GPHN: variants seen among roughly 807,000 people sequenced by gnomAD.
The protein encoded by GPHN is gephyrin.
GPHN carries 17 observed loss-of-function variants against 95.5 expected under a neutral mutation model. That is an observed-to-expected ratio of 0.18 (90% CI 0.12 to 0.27). The LOEUF is 0.27. Ranked by LOEUF, GPHN falls within the 10% of genes least tolerant of loss-of-function variation. The pLI, the probability that GPHN is intolerant of heterozygous loss-of-function variation, is 1.00. For synonymous variants in GPHN, 320 were observed against 322.5 expected (o/e 0.99, Z 0.08); for missense variants, 660 against 978.1 (o/e 0.67, Z 4.34).
chr14:66,937,119 C>T (rs1166813414), intron 8 of GPHN, among the ~76,000 whole-genome samples: 1 of 152,060 alleles, frequency 6.6e-6, no homozygotes, highest in African/African-American at 2.4e-5. Context: ...TATCCTGCTT[C>T]AGCTGCCCAA....
At chr14:67,596,043 T>G in the GPHN span, among the ~76,000 whole-genome samples, 2 of 152,252 alleles carry the variant, frequency 1.3e-5, no homozygotes, top group Non-Finnish European at 2.9e-5. Flanking sequence ...ATGTATAATC[T>G]TTAACATTTC....
At chr14:66,554,407 AAG>A (rs2059932593) in intron 1 of GPHN, among the ~76,000 whole-genome samples, 1 of 152,198 alleles carries the variant, frequency 6.6e-6, no homozygotes, top group South Asian at 2.1e-4. Flanking sequence ...TTATAAAGGA[AAG>A]AGATTTAATT....
the GPHN span, chr14:67,729,095 T>C: frequency 8.0e-7 from 1 of 1,251,548 alleles, no homozygotes; most frequent in African/African-American, 1.5e-5. Flanking sequence ...GTTTCCTGAG[T>C]CCCTCCTTCT....
chr14:66,553,654 G>T (rs912568423), intron 1 of GPHN, among the ~76,000 whole-genome samples: 3 of 152,006 alleles, frequency 2.0e-5, no homozygotes, highest in African/African-American at 7.2e-5. Context: ...TCTGTTCACT[G>T]CAACTTCTGC....
intron 19 of GPHN, among the ~76,000 whole-genome samples, chr14:67,160,556 T>C (rs558117481): frequency 6.6e-6 from 1 of 152,308 alleles, no homozygotes; most frequent in African/African-American, 2.4e-5. Context: ...GCCATATCTT[T>C]AAGAAATAGT....
intron 11 of GPHN, among the ~76,000 whole-genome samples, chr14:67,070,325 A>C (rs2076234250): frequency 6.8e-6 from 1 of 146,094 alleles, no homozygotes; most frequent in South Asian, 2.1e-4. Context: ...CATTTTAAAT[A>C]TTTTTATATA....
intron 3 of GPHN, among the ~76,000 whole-genome samples, chr14:66,787,083 G>T (rs957088507): frequency 6.6e-6 from 1 of 152,010 alleles, no homozygotes; most frequent in Non-Finnish European, 1.5e-5. Context: ...AACTCTCCCT[G>T]TTTGCAGACC....
Position 66,635,613 on chromosome 14 carries a change from A to G in GPHN, c.65-45494A>G, listed in dbSNP as rs142909059. Reference sequence around the variant, plus strand: ...TCTCTAGACAGAAGACAGACTCAGTAAGGAAATGTTTTAAGTGGGTGTAAT... The same window carrying G: ...TCTCTAGACAGAAGACAGACTCAGTGAGGAAATGTTTTAAGTGGGTGTAAT... On this transcript the variant is annotated intron_variant, in intron 1 of 22. Coordinates refer to ENST00000478722, the MANE Select transcript of GPHN (RefSeq NM_020806.5). 2.5e-4 allele frequency among the ~76,000 whole-genome samples: 38 copies of G among 152,304 alleles called. 1 individual carries two copies. Among genetic ancestry groups the G allele is most frequent in the Admixed American group, 1.9e-3 (29 of 15,304 alleles).
the GPHN span, chr14:67,254,451 C>T: frequency 6.6e-6 from 1 of 152,240 alleles, no homozygotes; most frequent in African/African-American, 2.4e-5. Context: ...AAAATCAGAG[C>T]ATTACTCATA....
At chr14:66,947,638 T>A (rs984859873) in intron 8 of GPHN, among the ~76,000 whole-genome samples, 1 of 152,194 alleles carries the variant, frequency 6.6e-6, no homozygotes, top group Non-Finnish European at 1.5e-5. Context: ...AAAAGGGATA[T>A]ATTTCGCCAT....
chr14:67,390,741 G>A, the GPHN span: 2 of 1,610,230 alleles, frequency 1.2e-6, no homozygotes, highest in Non-Finnish European at 1.7e-6. Context: ...TTTTCCTCTT[G>A]TGTCCCTGAG....
At chr14:66,567,174 A>G (rs1200518958) in intron 1 of GPHN, among the ~76,000 whole-genome samples, 1 of 152,184 alleles carries the variant, frequency 6.6e-6, no homozygotes, top group Non-Finnish European at 1.5e-5. Context: ...TACCGGAGCC[A>G]AATCCATCCC....
chr14:67,315,556 A>G, the GPHN span, among the ~76,000 whole-genome samples: 1 of 152,204 alleles, frequency 6.6e-6, no homozygotes, highest in African/African-American at 2.4e-5. Context: ...GATTACAGGC[A>G]TAAGCCACTG....
the GPHN span, among the ~76,000 whole-genome samples, chr14:67,252,944 C>G: frequency 2.6e-5 from 4 of 152,158 alleles, no homozygotes; most frequent in Non-Finnish European, 5.9e-5. Flanking sequence ...TTCACATGTT[C>G]TTGATTAGCT....
chr14:66,970,366 G>T (rs941768518), intron 9 of GPHN, among the ~76,000 whole-genome samples: 2 of 152,176 alleles, frequency 1.3e-5, no homozygotes, highest in Admixed American at 6.5e-5. Context: ...TTTAATGTAT[G>T]AGTCTGAAAG....
intron 4 of GPHN, among the ~76,000 whole-genome samples, chr14:66,856,153 G>A (rs2062795506): frequency 6.6e-6 from 1 of 152,022 alleles, no homozygotes; most frequent in African/African-American, 2.4e-5. Context: ...TCAAATGTAA[G>A]GCAACTAACT....
intron 9 of GPHN, among the ~76,000 whole-genome samples, chr14:67,019,809 G>A (rs2073508139): frequency 1.3e-5 from 2 of 152,140 alleles, no homozygotes; most frequent in Admixed American, 6.6e-5. Flanking sequence ...CGTAGCTACT[G>A]CAGCATTGAA....
At chr14:66,555,716 A>G (rs1261236724) in intron 1 of GPHN, among the ~76,000 whole-genome samples, 8 of 152,114 alleles carry the variant, frequency 5.3e-5, no homozygotes, top group Admixed American at 5.2e-4. Flanking sequence ...ATCTTAGGAG[A>G]ACACTAACTT....
At chr14:67,144,967 C>A (rs1277466211) in intron 18 of GPHN, among the ~76,000 whole-genome samples, 1 of 152,116 alleles carries the variant, frequency 6.6e-6, no homozygotes, top group East Asian at 1.9e-4. Context: ...TCAAAGTCTC[C>A]CAGAGTCTTT....
Sources: allele counts gnomAD v4.1 joint callset (sites outside exome capture counted in the v4.1 genomes callset), GRCh38; gene constraint gnomAD v4.1.1; transcripts MANE v1.5; gene names NCBI Gene and HGNC (gene_info 2026-07-23, HGNC 2026-07-21).